The following PTPRD variants were observed in gnomAD, a reference collection of about 807,000 sequenced individuals.
PTPRD encodes protein tyrosine phosphatase receptor type D.
Under a neutral mutation model 214.5 loss-of-function variants are expected in PTPRD, and 34 were observed. That is an observed-to-expected ratio of 0.16 (90% confidence interval 0.12 to 0.21). PTPRD has a LOEUF of 0.21. Ranked by LOEUF, PTPRD falls within the 10% of genes least tolerant of loss-of-function variation. The pLI is 1.00. For synonymous variants in PTPRD, 1,128 were observed against 845.7 expected (o/e 1.33, Z -5.79); for missense variants, 2,545 against 2,398.7 (o/e 1.06, Z -1.27).
chr9:8,325,371 C>T (rs190382000), intron 44 of PTPRD, among the ~76,000 whole-genome samples: 21,140 of 145,194 alleles, frequency 0.15, 1,592 homozygotes, highest in African/African-American at 0.31. Flanking sequence ...TTCTTGTTTT[C>T]CCTCAGGTTT....
At chr9:8,637,805 A>G (rs900136680) in intron 12 of PTPRD, among the ~76,000 whole-genome samples, 2 of 152,216 alleles carry the variant, frequency 1.3e-5, no homozygotes, top group African/African-American at 4.8e-5. Context: ...TGAAGATGGA[A>G]CATCATACAA....
chr9:9,134,364 C>T (rs531853889), intron 10 of PTPRD, among the ~76,000 whole-genome samples: 1 of 136,882 alleles, frequency 7.3e-6, no homozygotes, highest in Non-Finnish European at 1.5e-5. Context: ...TGAGCCACCG[C>T]GCCCGTAGAA....
intron 3 of PTPRD, among the ~76,000 whole-genome samples, chr9:10,194,939 T>C (rs2099391405): frequency 6.8e-6 from 1 of 147,452 alleles, no homozygotes; most frequent in South Asian, 2.3e-4. Context: ...GATTTTCATT[T>C]AATTTTTTTT....
At chr9:10,480,222 T>A (rs970985815) in intron 2 of PTPRD, among the ~76,000 whole-genome samples, 1 of 152,112 alleles carries the variant, frequency 6.6e-6, no homozygotes, top group Non-Finnish European at 1.5e-5. Context: ...TTGTCCCCAA[T>A]ACAGAATTTT....
chr9:8,463,228 C>G (rs1437272751), intron 32 of PTPRD, among the ~76,000 whole-genome samples: 1 of 140,792 alleles, frequency 7.1e-6, no homozygotes, highest in Non-Finnish European at 1.5e-5. Flanking sequence ...AGGAAAGAGA[C>G]TGACTAGATT....
chr9:10,147,394 C>T (rs1302195387), intron 3 of PTPRD, among the ~76,000 whole-genome samples: 4 of 152,066 alleles, frequency 2.6e-5, no homozygotes, highest in Non-Finnish European at 5.9e-5. Context: ...GACACATGCA[C>T]ACGTATGTTT....
chr9:9,784,674 C>T (rs2098903354), intron 5 of PTPRD, among the ~76,000 whole-genome samples: 2 of 149,586 alleles, frequency 1.3e-5, no homozygotes, highest in African/African-American at 4.9e-5. Context: ...AGTATTTGTT[C>T]ATTAGTGGAA....
intron 10 of PTPRD, among the ~76,000 whole-genome samples, chr9:9,129,891 C>A (rs995290759): frequency 6.6e-6 from 1 of 152,228 alleles, no homozygotes; most frequent in Non-Finnish European, 1.5e-5. Context: ...TTTCCACTTA[C>A]CAGTTTTTTT....
chr9:9,374,451 T>C (rs1002779054), intron 9 of PTPRD, among the ~76,000 whole-genome samples: 1 of 152,116 alleles, frequency 6.6e-6, no homozygotes, highest in Non-Finnish European at 1.5e-5. Context: ...GGAGCAACAT[T>C]TGAGAAAATA....
intron 3 of PTPRD, among the ~76,000 whole-genome samples, chr9:10,117,542 G>A (rs2098740253): frequency 1.3e-5 from 2 of 151,636 alleles, no homozygotes; most frequent in African/African-American, 4.8e-5. Flanking sequence ...TTGGTTAGTT[G>A]CAGCAGTATT....
intron 11 of PTPRD, among the ~76,000 whole-genome samples, chr9:8,821,570 C>T (rs1362758228): frequency 6.6e-6 from 1 of 152,176 alleles, no homozygotes; most frequent in Non-Finnish European, 1.5e-5. Flanking sequence ...CCAATGCAGT[C>T]ACCTCTTCTT....
intron 6 of PTPRD, among the ~76,000 whole-genome samples, chr9:9,750,032 T>A (rs1462018021): frequency 2.0e-5 from 3 of 152,166 alleles, no homozygotes; most frequent in Non-Finnish European, 4.4e-5. Context: ...ATGGGTATTT[T>A]AATTGAAAAC....
rs1310884497 is a variant in PTPRD, at chr9:9,326,510, A to G, written c.-203+70939T>C. Reference sequence around the variant, plus strand: ...TCTATGATTGCAAAGCTAGTAAGTGAGGGGTAATAATTATAATTAGAAAAC... The same window carrying G: ...TCTATGATTGCAAAGCTAGTAAGTGGGGGGTAATAATTATAATTAGAAAAC... On this transcript the variant is annotated intron_variant, in intron 9 of 45. Coordinates refer to ENST00000381196, the MANE Select transcript of PTPRD (RefSeq NM_002839.4). 2.6e-5 allele frequency among the ~76,000 whole-genome samples: 4 copies of G among 152,132 alleles called. No individual in the cohort carries two copies. In the South Asian group the frequency reaches 6.2e-4, roughly 24 times the overall value.
At chr9:8,432,798 G>C (rs1383688112) in intron 35 of PTPRD, among the ~76,000 whole-genome samples, 1 of 152,174 alleles carries the variant, frequency 6.6e-6, no homozygotes, top group Non-Finnish European at 1.5e-5. Flanking sequence ...AGGCACAGTA[G>C]AGTCAATTCA....
At chr9:8,735,493 G>C (rs2154437234) in intron 11 of PTPRD, among the ~76,000 whole-genome samples, 1 of 152,244 alleles carries the variant, frequency 6.6e-6, no homozygotes, top group East Asian at 1.9e-4. Flanking sequence ...GCATAAATTT[G>C]CATTTCTACA....
intron 10 of PTPRD, among the ~76,000 whole-genome samples, chr9:9,034,265 G>A (rs186514625): frequency 6.0e-4 from 91 of 152,204 alleles, no homozygotes; most frequent in African/African-American, 2.1e-3. Flanking sequence ...CATATACAGC[G>A]TATCTGTCTC....
At position 9,219,408 on chromosome 9, in the gene PTPRD, C is replaced by T. The variant is rs541704164; in HGVS notation, c.-202-36045G>A. Among the ~76,000 whole-genome samples, 20 of 81,490 alleles carry T rather than the reference C, an allele frequency of 2.5e-4. No homozygotes were observed. The East Asian group carries it at 4.7e-3, about 19-fold the overall frequency. 53.5% of individuals were successfully genotyped at this position (81,490 alleles called of 152,430 possible). A position where few individuals can be genotyped will look rare whatever the true frequency, so the allele number is the denominator to read the frequency against. On this transcript the variant is annotated intron_variant, in intron 9 of 45. Transcript: ENST00000381196. ...CCATAATGATAATGCATCTTCTGTG[C>T]TTATTAAATTAAAAAAAAAAACATT...
At chr9:8,334,309 G>T (rs1219664459) in intron 43 of PTPRD, among the ~76,000 whole-genome samples, 1 of 151,434 alleles carries the variant, frequency 6.6e-6, no homozygotes, top group Non-Finnish European at 1.5e-5. Flanking sequence ...AAATGCAAAA[G>T]AAAGAATGGA....
At chr9:9,554,342 C>G (rs139879303) in intron 8 of PTPRD, among the ~76,000 whole-genome samples, 30 of 151,866 alleles carry the variant, frequency 2.0e-4, no homozygotes, top group African/African-American at 6.8e-4. Flanking sequence ...ATTCTTCTGC[C>G]TCAATATTAT....
Sources: allele counts gnomAD v4.1 joint callset (sites outside exome capture counted in the v4.1 genomes callset), GRCh38; gene constraint gnomAD v4.1.1; transcripts MANE v1.5; gene names NCBI Gene and HGNC (gene_info 2026-07-23, HGNC 2026-07-21).